Variants in CACNA1A observed in about 807,000 individuals in gnomAD.
The protein encoded by CACNA1A is voltage-dependent P/Q-type calcium channel subunit alpha-1A.
In CACNA1A, 57 loss-of-function variants were observed where a neutral mutation model predicts 262.4. The observed-to-expected ratio is 0.22, with a 90% CI of 0.18 to 0.27. CACNA1A has a LOEUF of 0.27. Ranked by LOEUF, CACNA1A falls within the 10% of genes least tolerant of loss-of-function variation. CACNA1A has a pLI of 1.00. For missense variants in CACNA1A, 2,526 were observed against 3,562.8 expected (o/e 0.71, Z 7.41); for synonymous variants, 1,431 against 1,419.3 (o/e 1.01, Z -0.18).
At chr19:13,472,401 G>C (rs1368988168) in intron 1 of CACNA1A, among the ~76,000 whole-genome samples, 1 of 152,084 alleles carries the variant, frequency 6.6e-6, no homozygotes. Context: ...TCCCACTTAA[G>C]CTTCTCTGAG....
chr19:13,452,436 A>C (rs1254696187), intron 3 of CACNA1A: 1 of 153,250 alleles, frequency 6.5e-6, no homozygotes, highest in Non-Finnish European at 1.5e-5. Context: ...AAATCAAGAG[A>C]CCCATGCACG....
chr19:13,240,594 CTG>C (rs952560291), intron 31 of CACNA1A, among the ~76,000 whole-genome samples: 2 of 145,152 alleles, frequency 1.4e-5, no homozygotes, highest in South Asian at 4.4e-4. Context: ...CGTGCAGTGA[CTG>C]TGTGTGCGCA....
At chr19:13,337,049 A>G (rs2058589986) in intron 6 of CACNA1A, among the ~76,000 whole-genome samples, 1 of 152,182 alleles carries the variant, frequency 6.6e-6, no homozygotes, top group South Asian at 2.1e-4. Context: ...GAAAGGCTAA[A>G]ATGAGAAAGA....
At chr19:13,436,573 A>AC (rs2060616922) in intron 3 of CACNA1A, among the ~76,000 whole-genome samples, 1 of 152,134 alleles carries the variant, frequency 6.6e-6, no homozygotes, top group Non-Finnish European at 1.5e-5. Flanking sequence ...TCACTCATTC[A>AC]TTCACTCATT....
intron 36 of CACNA1A, chr19:13,228,821 T>A: frequency 7.2e-7 from 1 of 1,386,884 alleles, no homozygotes; most frequent in Non-Finnish European, 1.0e-6. Flanking sequence ...AGGGGGTTAG[T>A]GCAGGCAATG....
At position 13,299,030 on chromosome 19, in the gene CACNA1A, G is replaced by A. The variant is rs931507317; in HGVS notation, c.2603C>T (p.Ala868Val). The A allele has an allele frequency of 5.6e-6, 9 of 1,593,336 alleles. No individual in the cohort carries two copies. Among genetic ancestry groups the A allele is most frequent in the Non-Finnish European group, 6.0e-6 (7 of 1,175,516 alleles). Residue 868 changes from alanine to valine, a missense_variant, in exon 19 of 47, where the codon GCC becomes GTC. Physicochemically the swap from Ala to Val is moderately conservative, Grantham distance 64. Transcript: ENST00000360228. ...GCCCGCCGAGCCGCTGGGGTCCCGG[G>A]CCCGATCGTGGTAGCGGGCCTGTTT... ...LRKQARYHDR[A>V]RDPSGSAGLD...
intron 38 of CACNA1A, among the ~76,000 whole-genome samples, chr19:13,221,640 C>G (rs1465206032): frequency 6.6e-6 from 1 of 152,066 alleles, no homozygotes; most frequent in Non-Finnish European, 1.5e-5. Context: ...GACAGGGGAC[C>G]CCTGACCCCT....
At chr19:13,333,918 C>G (rs1220922151) in intron 8 of CACNA1A, 1 of 162,058 alleles carries the variant, frequency 6.2e-6, no homozygotes, top group African/African-American at 2.4e-5. Flanking sequence ...GTGCCTGGCA[C>G]ACAGCAGGTG....
chr19:13,246,859 G>A (rs996512448), intron 30 of CACNA1A, among the ~76,000 whole-genome samples: 4 of 151,898 alleles, frequency 2.6e-5, no homozygotes, highest in Non-Finnish European at 5.9e-5. Flanking sequence ...ATCTCCTGAC[G>A]TTGTGATCCA....
At chr19:13,262,960 C>T in intron 24 of CACNA1A, 127 bp from the exon 25 acceptor site, 1 of 695,048 alleles carries the variant, frequency 1.4e-6, no homozygotes. Flanking sequence ...GAGCTTGGCA[C>T]AGCCCTGCCC....
intron 1 of CACNA1A, among the ~76,000 whole-genome samples, chr19:13,456,967 T>C (rs187620043): frequency 8.6e-5 from 13 of 152,040 alleles, no homozygotes; most frequent in African/African-American, 2.7e-4. Context: ...ATGGTGTAGC[T>C]GGCCAGATGC....
intron 9 of CACNA1A, among the ~76,000 whole-genome samples, chr19:13,330,773 T>C (rs2058453935): frequency 6.6e-6 from 1 of 152,162 alleles, no homozygotes; most frequent in African/African-American, 2.4e-5. Context: ...GTATTATTAG[T>C]AGAGATGGGG....
At chr19:13,431,862 T>G (rs1047608800) in intron 3 of CACNA1A, among the ~76,000 whole-genome samples, 3 of 151,500 alleles carry the variant, frequency 2.0e-5, no homozygotes, top group Admixed American at 6.6e-5. Context: ...ATCCCATCAC[T>G]TTGGAAGCCC....
intron 3 of CACNA1A, among the ~76,000 whole-genome samples, chr19:13,394,053 T>C (rs748082914): frequency 6.6e-6 from 1 of 152,160 alleles, no homozygotes; most frequent in Non-Finnish European, 1.5e-5. Context: ...ATGTATGTTA[T>C]ATTCAATAAA....
intron 12 of CACNA1A, among the ~76,000 whole-genome samples, chr19:13,311,247 A>G (rs1217668680): frequency 6.6e-6 from 1 of 152,058 alleles, no homozygotes; most frequent in Non-Finnish European, 1.5e-5. Flanking sequence ...GCACCACCAC[A>G]CCTGGCTAAT....
At chr19:13,434,064 A>G (rs1457042550) in intron 3 of CACNA1A, among the ~76,000 whole-genome samples, 1 of 152,182 alleles carries the variant, frequency 6.6e-6, no homozygotes, top group East Asian at 1.9e-4. Flanking sequence ...CATCTGTAAA[A>G]TGGGGAGATT....
chr19:13,250,545 C>G (rs938855518), intron 30 of CACNA1A, among the ~76,000 whole-genome samples: 4 of 152,024 alleles, frequency 2.6e-5, no homozygotes, highest in Admixed American at 2.6e-4. Context: ...TACAGGCATG[C>G]GCCACCACAC....
intron 15 of CACNA1A, 141 bp downstream of exon 15, chr19:13,307,641 C>T (rs1365700588): frequency 1.5e-6 from 1 of 664,328 alleles, no homozygotes; most frequent in Non-Finnish European, 2.7e-6. Context: ...ATAATGATAA[C>T]CATAAAATCT....
At chr19:13,333,436 C>A (rs1160542621) in intron 8 of CACNA1A, among the ~76,000 whole-genome samples, 1 of 151,868 alleles carries the variant, frequency 6.6e-6, no homozygotes, top group Non-Finnish European at 1.5e-5. Flanking sequence ...TAACTTCCTA[C>A]TCTTTTTTTT....
Sources: gnomAD v4.1 joint callset for allele counts (sites outside exome capture counted in the v4.1 genomes callset) on GRCh38, gnomAD v4.1.1 for gene constraint, MANE v1.5 for transcripts, NCBI Gene and HGNC (gene_info 2026-07-23, HGNC 2026-07-21) for gene names.